Variants in SMC5 observed in about 807,000 individuals in gnomAD.
SMC5 encodes the protein structural maintenance of chromosomes 5, also known as structural maintenance of chromosomes protein 5.
A neutral mutation model predicts 148.3 loss-of-function variants in SMC5; 88 were observed. The ratio of observed to expected loss-of-function variants is 0.59; its 90% confidence interval spans 0.50 to 0.71. The LOEUF is 0.71. Ranked by LOEUF, SMC5 falls within the 30% of genes least tolerant of loss-of-function variation. SMC5 has a pLI of 0.00. For missense variants in SMC5, 1,142 were observed against 1,298.9 expected (o/e 0.88, Z 1.86); for synonymous variants, 421 against 432.8 (o/e 0.97, Z 0.34).
intron 12 of SMC5, 54 bp from the exon 13 acceptor site, chr9:70,315,392 A>G (rs1316663826): frequency 2.2e-6 from 3 of 1,355,890 alleles, no homozygotes; most frequent in Non-Finnish European, 3.0e-6. Context: ...CAACTCCCAG[A>G]TTTTTTTAAT....
chr9:70,329,517 C>T (rs770410281), intron 17 of SMC5, among the ~76,000 whole-genome samples: 15 of 152,128 alleles, frequency 9.9e-5, no homozygotes, highest in Non-Finnish European at 1.6e-4. Flanking sequence ...GACGTTTACT[C>T]GAGTTTCCAA....
At chr9:70,312,489 T>C (rs971304618) in intron 11 of SMC5, among the ~76,000 whole-genome samples, 3 of 152,202 alleles carry the variant, frequency 2.0e-5, no homozygotes, top group Non-Finnish European at 2.9e-5. Flanking sequence ...AATGACAAGA[T>C]TGGACACCCT....
chr9:70,263,743 C>A (rs565156972), intron 1 of SMC5, among the ~76,000 whole-genome samples: 1 of 152,252 alleles, frequency 6.6e-6, no homozygotes, highest in South Asian at 2.1e-4. Flanking sequence ...CCTCAGGCTC[C>A]CTGGTAGCTG....
chr9:70,287,085 A>G (rs1270585138), intron 8 of SMC5, among the ~76,000 whole-genome samples: 1 of 152,114 alleles, frequency 6.6e-6, no homozygotes, highest in Non-Finnish European at 1.5e-5. Flanking sequence ...TTATAGCTCC[A>G]ATTTCTAGAA....
intron 8 of SMC5, among the ~76,000 whole-genome samples, chr9:70,295,503 T>G (rs931652620): frequency 2.1e-4 from 32 of 150,598 alleles, no homozygotes; most frequent in African/African-American, 7.6e-4. Flanking sequence ...AGAGGGAACA[T>G]TCAGAGAAAT....
intron 8 of SMC5, among the ~76,000 whole-genome samples, chr9:70,296,587 AAGATTATAAGTTAT>A (rs1764539613): frequency 6.6e-6 from 1 of 152,044 alleles, no homozygotes; most frequent in African/African-American, 2.4e-5. Context: ...TAAGGACATT[AAGATTATAAGTTAT>A]TTTTATTTGT....
At chr9:70,301,907 AT>A (rs2035367157) in intron 10 of SMC5, among the ~76,000 whole-genome samples, 1 of 152,018 alleles carries the variant, frequency 6.6e-6, no homozygotes, top group Non-Finnish European at 1.5e-5. Context: ...CCACCAGATC[AT>A]CACAGAGTGC....
chr9:70,260,216 T>G (rs78998745), intron 1 of SMC5, among the ~76,000 whole-genome samples: 1 of 152,220 alleles, frequency 6.6e-6, no homozygotes, highest in Non-Finnish European at 1.5e-5. Flanking sequence ...TCAATTCTCC[T>G]GCCTCAGCCT....
intron 17 of SMC5, among the ~76,000 whole-genome samples, chr9:70,330,104 G>A (rs1262627446): frequency 6.6e-6 from 1 of 152,066 alleles, no homozygotes; most frequent in Non-Finnish European, 1.5e-5. Flanking sequence ...CATGAAATTT[G>A]GGTTGGGACA....
intron 2 of SMC5, among the ~76,000 whole-genome samples, chr9:70,267,010 A>T (rs1414292197): frequency 1.3e-5 from 2 of 149,980 alleles, no homozygotes; most frequent in Non-Finnish European, 3.0e-5. Context: ...ATTAGGCTGT[A>T]CTTGGTGGTT....
intron 17 of SMC5, among the ~76,000 whole-genome samples, chr9:70,338,419 T>G (rs901354418): frequency 6.6e-6 from 1 of 152,180 alleles, no homozygotes; most frequent in Admixed American, 6.5e-5. Flanking sequence ...ACCACATTAC[T>G]AGTTCACCTC....
chr9:70,323,705 T>G, intron 16 of SMC5, 99 bp downstream of exon 16: 1 of 1,333,208 alleles, frequency 7.5e-7, no homozygotes, highest in Non-Finnish European at 1.0e-6. Flanking sequence ...ATTAAGGTTT[T>G]TGACATTTTA....
At chr9:70,350,990 A>G (rs936420791) in intron 24 of SMC5, among the ~76,000 whole-genome samples, 5 of 152,184 alleles carry the variant, frequency 3.3e-5, no homozygotes, top group African/African-American at 4.8e-5. Context: ...GCTGTGAGTA[A>G]ATTACAAAGC....
At chr9:70,264,483 C>T (rs775617208) in intron 2 of SMC5, 38 bp downstream of exon 2, 8 of 1,601,974 alleles carry the variant, frequency 5.0e-6, no homozygotes, top group Middle Eastern at 3.3e-4. Context: ...AATTTCAAAC[C>T]TATTAATTGC....
At chr9:70,310,416 T>A (rs1158996964) in intron 11 of SMC5, among the ~76,000 whole-genome samples, 2 of 152,204 alleles carry the variant, frequency 1.3e-5, no homozygotes, top group Non-Finnish European at 2.9e-5. Flanking sequence ...TGTCTTTTTT[T>A]TCTGAGGAGT....
chr9:70,306,454 T>C (rs922177539), intron 11 of SMC5, among the ~76,000 whole-genome samples: 2 of 152,208 alleles, frequency 1.3e-5, no homozygotes, highest in African/African-American at 2.4e-5. Context: ...TATAAAATTA[T>C]ACAATGGACT....
At chr9:70,314,251 C>T (rs2035736486) in intron 11 of SMC5, among the ~76,000 whole-genome samples, 2 of 152,146 alleles carry the variant, frequency 1.3e-5, no homozygotes, top group African/African-American at 4.8e-5. Context: ...TCCTGATGCT[C>T]CAGATTGGGG....
chr9:70,322,741 CAGG>C (rs1292498929), intron 15 of SMC5, among the ~76,000 whole-genome samples: 1 of 152,084 alleles, frequency 6.6e-6, no homozygotes, highest in Admixed American at 6.6e-5. Context: ...GAGGCTGAGG[CAGG>C]AGAATTGCTT....
At chr9:70,326,800 A>T (rs2036090531) in intron 17 of SMC5, among the ~76,000 whole-genome samples, 1 of 152,068 alleles carries the variant, frequency 6.6e-6, no homozygotes, top group African/African-American at 2.4e-5. Flanking sequence ...TTAGCAACAT[A>T]GCCTAACAGA....
Sources: allele counts gnomAD v4.1 joint callset (sites outside exome capture counted in the v4.1 genomes callset), GRCh38; gene constraint gnomAD v4.1.1; transcripts MANE v1.5; gene names NCBI Gene and HGNC (gene_info 2026-07-23, HGNC 2026-07-21).